Variants in KCNN2 observed in about 807,000 individuals in gnomAD.
KCNN2 encodes the protein potassium calcium-activated channel subfamily N member 2.
KCNN2 carries 24 observed loss-of-function variants against 55.5 expected under a neutral mutation model. The observed-to-expected ratio is 0.43, with a 90% CI of 0.31 to 0.61. KCNN2 has a LOEUF of 0.61. Ranked by LOEUF, KCNN2 falls within the 20% of genes least tolerant of loss-of-function variation. KCNN2 has a pLI of 0.08. For synonymous variants in KCNN2, 431 were observed against 336.1 expected, an observed-to-expected ratio of 1.28 and a Z score of -3.09; for missense variants, 754 against 853.6, an observed-to-expected ratio of 0.88 and a Z score of 1.45.
In KCNN2 at chr5:114,475,740, C is replaced by T. The variant is rs1019431831; in HGVS notation, c.1890+2576C>T. Among the ~76,000 whole-genome samples, 8 of 151,962 alleles carry T rather than the reference C, an allele frequency of 5.3e-5. No homozygotes were observed. In the East Asian group the frequency reaches 5.8e-4, roughly 11 times the overall value. On this transcript the variant is annotated intron_variant, in intron 5 of 7. Transcript: ENST00000673685. ...TTGTGCTCATGGGTCCCCTAAAGTC[C>T]GGTCAGAGGCCCCTTTAGAGAACTA...
chr5:114,156,634 T>G (rs1218333432), intron 1 of KCNN2, among the ~76,000 whole-genome samples: 3 of 152,130 alleles, frequency 2.0e-5, no homozygotes, highest in Admixed American at 1.3e-4. Flanking sequence ...ATTTTATTCT[T>G]TTTGTGGCAG....
intron 2 of KCNN2, among the ~76,000 whole-genome samples, chr5:114,382,260 G>A (rs553747636): frequency 2.6e-5 from 4 of 152,294 alleles, no homozygotes; most frequent in African/African-American, 9.6e-5. Flanking sequence ...AGCTTTATCA[G>A]TTAGTCTTAA....
intron 7 of KCNN2, among the ~76,000 whole-genome samples, chr5:114,494,017 T>A (rs1747987837): frequency 6.6e-6 from 1 of 152,170 alleles, no homozygotes; most frequent in Admixed American, 6.6e-5. Context: ...TACCACTTTT[T>A]AAAAAGTACA....
At chr5:114,166,247 G>A (rs1752909155) in intron 1 of KCNN2, among the ~76,000 whole-genome samples, 1 of 151,994 alleles carries the variant, frequency 6.6e-6, no homozygotes. Flanking sequence ...ATCTGGCAAA[G>A]CCTCATTCCT....
chr5:114,241,301 A>G (rs1295765390), intron 2 of KCNN2, among the ~76,000 whole-genome samples: 2 of 151,906 alleles, frequency 1.3e-5, no homozygotes, highest in African/African-American at 2.4e-5. Flanking sequence ...GGTAAAATTC[A>G]TTTTAGATAA....
intron 4 of KCNN2, among the ~76,000 whole-genome samples, chr5:114,464,778 G>A (rs1288837904): frequency 2.6e-5 from 4 of 151,288 alleles, no homozygotes; most frequent in Non-Finnish European, 5.9e-5. Context: ...GCCTTTAAAA[G>A]AAAAATAATA....
intron 3 of KCNN2, among the ~76,000 whole-genome samples, chr5:114,454,940 C>A (rs567794455): frequency 2.0e-5 from 3 of 152,172 alleles, no homozygotes; most frequent in Admixed American, 2.0e-4. Flanking sequence ...GTTACAGATA[C>A]GCTTATGTAA....
At chr5:114,483,484 C>G (rs535852061) in intron 5 of KCNN2, among the ~76,000 whole-genome samples, 2 of 151,822 alleles carry the variant, frequency 1.3e-5, no homozygotes, top group Non-Finnish European at 2.9e-5. Flanking sequence ...AGATGTTGGC[C>G]ACGCTGGTCA....
At chr5:114,099,806 A>G (rs1355051708) in intron 1 of KCNN2, among the ~76,000 whole-genome samples, 1 of 152,138 alleles carries the variant, frequency 6.6e-6, no homozygotes, top group Non-Finnish European at 1.5e-5. Context: ...CATAGGTATT[A>G]CGTTTGAATT....
At chr5:114,288,378 T>C (rs1362218250) in intron 2 of KCNN2, among the ~76,000 whole-genome samples, 1 of 152,166 alleles carries the variant, frequency 6.6e-6, no homozygotes, top group African/African-American at 2.4e-5. Context: ...ATGTGGAAAT[T>C]CTGTGTTAAA....
intron 2 of KCNN2, among the ~76,000 whole-genome samples, chr5:114,299,324 T>A (rs1330301300): frequency 6.6e-6 from 1 of 152,144 alleles, no homozygotes; most frequent in Non-Finnish European, 1.5e-5. Context: ...GCTCAGAGAA[T>A]GCCATACACT....
chr5:114,462,971 T>C, intron 3 of KCNN2, 78 bp from the exon 4 acceptor site: 1 of 1,369,802 alleles, frequency 7.3e-7, no homozygotes, highest in Non-Finnish European at 1.0e-6. Context: ...AGTAAATTCG[T>C]TGAATTGAAC....
chr5:114,068,523 G>A (rs928104988), intron 1 of KCNN2, among the ~76,000 whole-genome samples: 4 of 152,162 alleles, frequency 2.6e-5, no homozygotes, highest in African/African-American at 9.7e-5. Flanking sequence ...GTTTCCATGG[G>A]TAAAAAGCTC....
chr5:114,147,774 G>A (rs1386325749), intron 1 of KCNN2, among the ~76,000 whole-genome samples: 1 of 152,130 alleles, frequency 6.6e-6, no homozygotes, highest in East Asian at 1.9e-4. Context: ...AATCATTTAA[G>A]GTGTTTAAAT....
At chr5:114,227,149 C>T (rs2112599199) in intron 2 of KCNN2, among the ~76,000 whole-genome samples, 1 of 152,242 alleles carries the variant, frequency 6.6e-6, no homozygotes, top group East Asian at 1.9e-4. Context: ...CTTGGTTCAC[C>T]TCTAAAATGT....
At chr5:114,149,742 G>T (rs2112515867) in intron 1 of KCNN2, among the ~76,000 whole-genome samples, 1 of 152,230 alleles carries the variant, frequency 6.6e-6, no homozygotes, top group Middle Eastern at 3.4e-3. Context: ...CATAACCTAT[G>T]ATTAGCAAGA....
intron 2 of KCNN2, among the ~76,000 whole-genome samples, chr5:114,388,433 G>A (rs1004737029): frequency 1.3e-5 from 2 of 152,018 alleles, no homozygotes; most frequent in African/African-American, 4.8e-5. Context: ...ACAATCTTTG[G>A]AGGCCTTCAT....
chr5:114,480,111 A>G (rs991349571), intron 5 of KCNN2, among the ~76,000 whole-genome samples: 31 of 152,006 alleles, frequency 2.0e-4, no homozygotes, highest in African/African-American at 7.5e-4. Context: ...AAATAAATAG[A>G]TAGACCACTA....
At chr5:114,265,926 C>G (rs1388386133) in intron 2 of KCNN2, among the ~76,000 whole-genome samples, 1 of 152,222 alleles carries the variant, frequency 6.6e-6, no homozygotes, top group East Asian at 1.9e-4. Flanking sequence ...TTGGAGAAGA[C>G]AGGGCTGATC....
Sources: allele counts gnomAD v4.1 joint callset (sites outside exome capture counted in the v4.1 genomes callset), GRCh38; gene constraint gnomAD v4.1.1; transcripts MANE v1.5; gene names NCBI Gene and HGNC (gene_info 2026-07-23, HGNC 2026-07-21).